Variants in GRB10 observed in about 807,000 individuals in gnomAD.
GRB10 encodes the protein growth factor receptor-bound protein 10.
Under a neutral mutation model 80.9 loss-of-function variants are expected in GRB10, and 20 were observed. The observed-to-expected ratio is 0.25, with a 90% CI of 0.17 to 0.36. GRB10 has a LOEUF of 0.36. GRB10 is among the 10% of genes least tolerant of loss of function. The probability of loss-of-function intolerance (pLI) is 1.00; values close to 1 mark genes in which losing one functional copy is unlikely to be tolerated. For missense variants in GRB10, 548 were observed against 747.7 expected (o/e 0.73, Z 3.12); for synonymous variants, 291 against 291.5 (o/e 1.00, Z 0.02).
chr7:50,680,462 G>A (rs368395858), intron 5 of GRB10, among the ~76,000 whole-genome samples: 28 of 152,148 alleles, frequency 1.8e-4, no homozygotes, highest in African/African-American at 6.3e-4. Flanking sequence ...AAGAATATAC[G>A]TTTTTTGGTT....
chr7:50,608,256 T>G (rs914684392), intron 13 of GRB10, among the ~76,000 whole-genome samples: 5 of 152,128 alleles, frequency 3.3e-5, no homozygotes, highest in African/African-American at 1.2e-4. Context: ...ACAGAAGCAA[T>G]GGGAAGACAG....
Position 50,775,161 on chromosome 7 carries a change from C to CAAAAAAAAAAAAAAAAAAAAAAAAAA in GRB10, c.-217+5465_-217+5466insTTTTTTTTTTTTTTTTTTTTTTTTTT, listed in dbSNP as rs777553621. Among the ~76,000 whole-genome samples the CAAAAAAAAAAAAAAAAAAAAAAAAAA allele has an allele frequency of 1.0e-3, 32 of 31,008 alleles. 9 individuals carry two copies. The highest frequency in any genetic ancestry group is 1.3e-3 in the South Asian group (1 of 748). 20.3% of individuals were successfully genotyped at this position (31,008 alleles called of 152,430 possible). A position where few individuals can be genotyped will look rare whatever the true frequency, so the allele number is the denominator to read the frequency against. On this transcript the variant is annotated intron_variant, in intron 2 of 18. Transcript: ENST00000401949. ...GAATGACACAGTGAGATCCTGTCTCCAAAAAAAAAAAACAAAAAAAAACAG... is the reference window on the plus strand; with the variant it reads ...GAATGACACAGTGAGATCCTGTCTCCAAAAAAAAAAAAAAAAAAAAAAAAAAAAAAAAAAAAAACAAAAAAAAACAG...
At chr7:50,679,685 A>G (rs1467018564) in intron 5 of GRB10, among the ~76,000 whole-genome samples, 4 of 152,202 alleles carry the variant, frequency 2.6e-5, no homozygotes, top group Admixed American at 1.3e-4. Flanking sequence ...AGTCATAAAC[A>G]GCTGGGGTGG....
intron 5 of GRB10, among the ~76,000 whole-genome samples, chr7:50,675,098 A>C (rs2060781521): frequency 2.0e-5 from 3 of 152,328 alleles, no homozygotes; most frequent in African/African-American, 7.2e-5. Context: ...GTGAAACAAG[A>C]GACAGAAACA....
intron 18 of GRB10, 80 bp downstream of exon 18, chr7:50,595,357 G>T: frequency 1.2e-6 from 1 of 819,524 alleles, no homozygotes; most frequent in Non-Finnish European, 2.2e-6. Flanking sequence ...CGGTCTTGTC[G>T]GTTTATAACT....
At chr7:50,639,123 G>C (rs2055638741) in intron 7 of GRB10, among the ~76,000 whole-genome samples, 1 of 152,192 alleles carries the variant, frequency 6.6e-6, no homozygotes, top group Admixed American at 6.5e-5. Flanking sequence ...GAGGGTTTTA[G>C]AAATTACCTG....
intron 8 of GRB10, among the ~76,000 whole-genome samples, chr7:50,624,015 G>C (rs117605245): frequency 0.021 from 3,237 of 152,270 alleles, 50 homozygotes; most frequent in Non-Finnish European, 0.032. Flanking sequence ...AATGTACTTT[G>C]TACTTTGGAA....
At chr7:50,630,110 A>G (rs931580165) in intron 7 of GRB10, among the ~76,000 whole-genome samples, 4 of 152,212 alleles carry the variant, frequency 2.6e-5, no homozygotes, top group Non-Finnish European at 5.9e-5. Flanking sequence ...CGGATAGGTA[A>G]TTAGCAATCT....
intron 4 of GRB10, among the ~76,000 whole-genome samples, chr7:50,715,474 C>T (rs1228587907): frequency 6.6e-6 from 1 of 152,144 alleles, no homozygotes; most frequent in Non-Finnish European, 1.5e-5. Context: ...TTGGTGGATC[C>T]CAACCTTGCT....
intron 7 of GRB10, among the ~76,000 whole-genome samples, chr7:50,646,486 T>C (rs2057211868): frequency 6.6e-6 from 1 of 152,242 alleles, no homozygotes; most frequent in Non-Finnish European, 1.5e-5. Flanking sequence ...CTTTTTGTAG[T>C]ATTTGTTTCA....
intron 2 of GRB10, among the ~76,000 whole-genome samples, chr7:50,765,076 C>T (rs1242667751): frequency 1.3e-5 from 2 of 152,158 alleles, no homozygotes; most frequent in Non-Finnish European, 2.9e-5. Context: ...AAAAAATGCT[C>T]AACACCAATA....
At chr7:50,677,610 C>T (rs2237477) in intron 5 of GRB10, among the ~76,000 whole-genome samples, 49,873 of 152,122 alleles carry the variant, frequency 0.33, 8,554 homozygotes, top group East Asian at 0.56. Flanking sequence ...GTATGCATCA[C>T]GCACCCACTC....
intron 18 of GRB10, 92 bp from the exon 19 acceptor site, chr7:50,593,190 T>G: frequency 7.0e-7 from 1 of 1,437,170 alleles, no homozygotes; most frequent in South Asian, 1.1e-5. Context: ...CATCTGCCCA[T>G]GATTTGATTC....
chr7:50,608,034 C>T (rs911032024), intron 13 of GRB10, among the ~76,000 whole-genome samples: 1 of 152,172 alleles, frequency 6.6e-6, no homozygotes, highest in Non-Finnish European at 1.5e-5. Flanking sequence ...GGAACGACTG[C>T]ACTCCAGCAA....
intron 4 of GRB10, among the ~76,000 whole-genome samples, chr7:50,724,525 T>C (rs941418476): frequency 3.9e-5 from 6 of 152,136 alleles, no homozygotes; most frequent in Non-Finnish European, 7.4e-5. Flanking sequence ...AAAGTCAACA[T>C]TGTGCTACAA....
At chr7:50,595,642 T>C in intron 17 of GRB10, 112 bp from the exon 18 acceptor site, 1 of 413,886 alleles carries the variant, frequency 2.4e-6, no homozygotes, top group South Asian at 3.5e-5. Flanking sequence ...CACACAGGCT[T>C]GGAGCCACAA....
At chr7:50,742,907 G>A (rs983186334) in intron 3 of GRB10, among the ~76,000 whole-genome samples, 4 of 152,060 alleles carry the variant, frequency 2.6e-5, no homozygotes, top group Non-Finnish European at 4.4e-5. Context: ...GGCTGGGAAG[G>A]GGGAAACTGC....
chr7:50,650,908 A>C (rs576782486), intron 7 of GRB10, among the ~76,000 whole-genome samples: 1 of 152,324 alleles, frequency 6.6e-6, no homozygotes, highest in African/African-American at 2.4e-5. Context: ...GATTTATAAG[A>C]GCTCTTTATT....
rs1189754204 is a variant in GRB10 at position 50,590,888 on chromosome 7, A to G, written c.*2064T>C. On this transcript the variant is annotated 3_prime_UTR_variant, in exon 19 of 19. Coordinates refer to ENST00000401949, the MANE Select transcript of GRB10 (RefSeq NM_001350814.2). ...TTTTGTTCTCCTTTTAAATAAACGC[A>G]TATTTATAAATATGAAATACTGCAA... is the stretch of plus-strand genomic sequence containing the variant. 6.6e-6 allele frequency: 1 copy of G among 152,228 alleles called. No individual in the cohort carries two copies. Among genetic ancestry groups the G allele is most frequent in the African/African-American group, 2.4e-5 (1 of 41,464 alleles). 9.4% of individuals were successfully genotyped at this position (152,228 alleles called of 1,614,324 possible). A position where few individuals can be genotyped will look rare whatever the true frequency, so the allele number is the denominator to read the frequency against.
Sources: gnomAD v4.1 joint callset for allele counts (sites outside exome capture counted in the v4.1 genomes callset) on GRCh38, gnomAD v4.1.1 for gene constraint, MANE v1.5 for transcripts, NCBI Gene and HGNC (gene_info 2026-07-23, HGNC 2026-07-21) for gene names.